PANX1: variants seen among roughly 807,000 people sequenced by gnomAD.
The protein encoded by PANX1 is pannexin 1, also known as pannexin-1.
In PANX1, 30 loss-of-function variants were observed where a neutral mutation model predicts 38.7. The observed-to-expected ratio is 0.78, with a 90% CI of 0.58 to 1.05. PANX1 has a LOEUF of 1.05. Among genes scored for constraint, PANX1 ranks in the 50% least tolerant of loss-of-function variants. The pLI is 0.00. For synonymous variants in PANX1, 230 were observed against 212.2 expected, an observed-to-expected ratio of 1.08 and a Z score of -0.73; for missense variants, 551 against 517.2, an observed-to-expected ratio of 1.07 and a Z score of -0.63.
At position 94,131,302 on chromosome 11, in the gene PANX1, C is replaced by T. The variant is rs374866078; in HGVS notation, c.181+1809C>T. 2.9e-4 allele frequency among the ~76,000 whole-genome samples: 44 copies of T among 152,270 alleles called. No homozygotes were observed. In the South Asian group the frequency reaches 8.3e-3, roughly 29 times the overall value. ...ACCTGTACCTGTAATGCCTTAGATA[C>T]GTCTAAATTGGTGGGCTGTCTGAGA... On this transcript the variant is annotated intron_variant, in intron 1 of 4. Transcript: ENST00000227638.
chr11:94,167,653 A>AT (rs1565382854), intron 2 of PANX1, among the ~76,000 whole-genome samples: 1 of 152,228 alleles, frequency 6.6e-6, no homozygotes, highest in East Asian at 1.9e-4. Flanking sequence ...TTATATGGAG[A>AT]TTTTTTACGT....
chr11:94,160,387 G>A (rs551951741), intron 2 of PANX1, among the ~76,000 whole-genome samples: 2 of 152,042 alleles, frequency 1.3e-5, no homozygotes, highest in African/African-American at 4.8e-5. Context: ...TCTAAGGACT[G>A]GCTTTATGAA....
At chr11:94,137,334 A>G (rs528533654) in intron 1 of PANX1, among the ~76,000 whole-genome samples, 6 of 152,164 alleles carry the variant, frequency 3.9e-5, no homozygotes, top group Non-Finnish European at 8.8e-5. Context: ...AAAACCTGAA[A>G]ATAGGCCTTA....
intron 1 of PANX1, among the ~76,000 whole-genome samples, chr11:94,137,808 A>T (rs1272342955): frequency 9.6e-6 from 1 of 104,186 alleles, no homozygotes; most frequent in Non-Finnish European, 1.9e-5. Context: ...GAAAATATGG[A>T]AAATACAGAA....
chr11:94,145,448 A>G (rs1184173189), intron 1 of PANX1, among the ~76,000 whole-genome samples: 2 of 152,254 alleles, frequency 1.3e-5, no homozygotes, highest in Admixed American at 1.3e-4. Flanking sequence ...GTTTGTGAAC[A>G]TATCAATAGT....
intron 2 of PANX1, among the ~76,000 whole-genome samples, chr11:94,169,622 A>G (rs990932962): frequency 6.6e-6 from 1 of 151,650 alleles, no homozygotes; most frequent in Non-Finnish European, 1.5e-5. Flanking sequence ...GGGAATTTGG[A>G]CACAGACATG....
chr11:94,129,317 C>T lies in PANX1; in HGVS notation c.5C>T (p.Ala2Val). Residue 2 changes from alanine (A) to valine (V), a missense_variant, in exon 1 of 5, where the codon GCC becomes GTC. Coordinates refer to ENST00000227638, the MANE Select transcript of PANX1 (RefSeq NM_015368.4). M[A>V]IAQLATEYVF... ...CGAGCCTGGCGCGCCGCAGCCATGG[C>T]CATCGCTCAACTGGCCACGGAGTAC... The T allele has an allele frequency of 6.2e-7, 1 of 1,606,638 alleles. No individual in the cohort carries two copies.
At chr11:94,139,158 T>C (rs1946733094) in intron 1 of PANX1, among the ~76,000 whole-genome samples, 1 of 152,230 alleles carries the variant, frequency 6.6e-6, no homozygotes, top group African/African-American at 2.4e-5. Flanking sequence ...TTAATTTTCA[T>C]GAAAATACCA....
Position 94,156,473 on chromosome 11 carries a change from C to T in PANX1, c.321+2843C>T, listed in dbSNP as rs141369781. 3.2e-4 allele frequency among the ~76,000 whole-genome samples: 48 copies of T among 152,250 alleles called. No individual in the cohort carries two copies. In the East Asian group the frequency reaches 7.1e-3, roughly 23 times the overall value. ...GTTGGAAGGACCCTTATTAACACTC[C>T]TTGGCATTTGGTTGGGACTCTGAAA... On this transcript the variant is annotated intron_variant, in intron 2 of 4. Coordinates refer to ENST00000227638, the MANE Select transcript of PANX1 (RefSeq NM_015368.4).
intron 1 of PANX1, among the ~76,000 whole-genome samples, chr11:94,147,451 T>C (rs1233616736): frequency 1.3e-5 from 2 of 152,158 alleles, no homozygotes; most frequent in African/African-American, 2.4e-5. Flanking sequence ...GGTTTAGACC[T>C]TGTGGGTGTG....
At chr11:94,178,180 G>A (rs1006675040) in intron 2 of PANX1, among the ~76,000 whole-genome samples, 189 bp from the exon 3 acceptor site, 2 of 152,042 alleles carry the variant, frequency 1.3e-5, no homozygotes, top group Non-Finnish European at 2.9e-5. Flanking sequence ...AAAAAAAATA[G>A]GTAGTTACCT....
At chr11:94,172,964 C>G (rs764143681) in intron 2 of PANX1, among the ~76,000 whole-genome samples, 40 of 151,736 alleles carry the variant, frequency 2.6e-4, no homozygotes, top group Non-Finnish European at 4.3e-4. Flanking sequence ...AACCACAGCA[C>G]CTTTGGTGCT....
chr11:94,138,990 T>C (rs1946731514), intron 1 of PANX1, among the ~76,000 whole-genome samples: 1 of 152,224 alleles, frequency 6.6e-6, no homozygotes, highest in Non-Finnish European at 1.5e-5. Flanking sequence ...TTTTGTTCTT[T>C]TGGTGCTATA....
chr11:94,164,320 T>A (rs1947078876), intron 2 of PANX1, among the ~76,000 whole-genome samples: 1 of 152,212 alleles, frequency 6.6e-6, no homozygotes, highest in Non-Finnish European at 1.5e-5. Context: ...TTTCTACTTT[T>A]TTGATGTAGG....
intron 2 of PANX1, among the ~76,000 whole-genome samples, chr11:94,161,709 C>A (rs553489029): frequency 2.6e-5 from 4 of 152,212 alleles, no homozygotes; most frequent in African/African-American, 7.2e-5. Flanking sequence ...CTGATGCCTT[C>A]TTCTCTCAAT....
At chr11:94,153,864 C>G (rs1165283303) in intron 2 of PANX1, among the ~76,000 whole-genome samples, 6 of 152,220 alleles carry the variant, frequency 3.9e-5, no homozygotes, top group Non-Finnish European at 8.8e-5. Flanking sequence ...AGCTCTATAA[C>G]AGCAGGCACC....
At chr11:94,163,997 G>C (rs1457104548) in intron 2 of PANX1, among the ~76,000 whole-genome samples, 2 of 151,770 alleles carry the variant, frequency 1.3e-5, no homozygotes, top group African/African-American at 4.8e-5. Context: ...ATTTTTTTTA[G>C]GTTTTGCAAT....
intron 2 of PANX1, among the ~76,000 whole-genome samples, chr11:94,176,274 A>G (rs1429521462): frequency 1.3e-5 from 2 of 151,556 alleles, no homozygotes; most frequent in Non-Finnish European, 2.9e-5. Flanking sequence ...TCAGTGCTCT[A>G]TTTCCTTTGT....
At chr11:94,171,846 A>G (rs1158555588) in intron 2 of PANX1, among the ~76,000 whole-genome samples, 1 of 148,544 alleles carries the variant, frequency 6.7e-6, no homozygotes, top group Non-Finnish European at 1.5e-5. Flanking sequence ...AGATGTGGGT[A>G]CAGTCTCGGG....
Sources: allele counts gnomAD v4.1 joint callset (sites outside exome capture counted in the v4.1 genomes callset), GRCh38; gene constraint gnomAD v4.1.1; transcripts MANE v1.5; gene names NCBI Gene and HGNC (gene_info 2026-07-23, HGNC 2026-07-21).